MYL12A: variants seen among roughly 807,000 people sequenced by gnomAD.
MYL12A encodes myosin regulatory light chain 12A.
MYL12A carries 11 observed loss-of-function variants against 13.3 expected under a neutral mutation model. The observed-to-expected ratio is 0.83, with a 90% CI of 0.52 to 1.37. MYL12A has a LOEUF of 1.37. Among genes scored for constraint, MYL12A ranks in the 40% most tolerant of loss-of-function variants. MYL12A has a pLI of 0.00. For missense variants in MYL12A, 146 were observed against 212.3 expected (o/e 0.69, Z 1.94); for synonymous variants, 51 against 69.9 (o/e 0.73, Z 1.35).
At chr18:3,254,721 T>C (rs1312384374) in intron 3 of MYL12A, among the ~76,000 whole-genome samples, 1 of 152,256 alleles carries the variant, frequency 6.6e-6, no homozygotes, top group Non-Finnish European at 1.5e-5. Flanking sequence ...AAATGTTATC[T>C]ATATAGGGGC....
chr18:3,252,522 C>A, intron 1 of MYL12A: 2 of 1,196,644 alleles, frequency 1.7e-6, no homozygotes, highest in African/African-American at 3.1e-5. Context: ...AAGATGTTTT[C>A]TAAAACTTTT....
rs1003179498 is a variant in MYL12A, at chr18:3,254,160, A to G, written c.343+110A>G. ...ACGCTCTCAGGTTTGTACTACACCT[A>G]TTTTTTTAGACAGAGTTCTCTTGGC... On this transcript the variant is annotated intron_variant, in intron 3 of 3. Coordinates refer to ENST00000217652, the MANE Select transcript of MYL12A (RefSeq NM_006471.4). 3.3e-5 allele frequency: 41 copies of G among 1,230,652 alleles called. No individual in the cohort carries two copies. The African/African-American group carries it at 4.4e-4, about 13-fold the overall frequency. 76.2% of individuals were successfully genotyped at this position (1,230,652 alleles called of 1,614,324 possible). A position where few individuals can be genotyped will look rare whatever the true frequency, so the allele number is the denominator to read the frequency against.
chr18:3,252,403 A>T (rs765046160), intron 1 of MYL12A: 3 of 1,442,044 alleles, frequency 2.1e-6, no homozygotes, highest in Non-Finnish European at 2.8e-6. Context: ...CAGATTGAGT[A>T]TTGAAAATTG....
intron 1 of MYL12A, chr18:3,252,386 T>C: frequency 6.6e-7 from 1 of 1,505,376 alleles, no homozygotes; most frequent in African/African-American, 1.4e-5. Flanking sequence ...ATTTTTGTAG[T>C]TTTTAACAGA....
At position 3,253,205 on chromosome 18, in the gene MYL12A, T is replaced by C. The variant is rs770712901; in HGVS notation, c.-15-28T>C. 1.8e-5 allele frequency: 29 copies of C among 1,572,404 alleles called. No individual in the cohort carries two copies. The African/African-American group carries it at 3.8e-4, about 21-fold the overall frequency. On this transcript the variant is annotated intron_variant, in intron 1 of 3. Coordinates refer to ENST00000217652, the MANE Select transcript of MYL12A (RefSeq NM_006471.4). ...TAAGTAATCTTAGATGTTGATTTGG[T>C]TTTTATTGTATTTCCTTTCCTAATT...
intron 1 of MYL12A, chr18:3,252,338 T>A (rs776354158): frequency 6.4e-5 from 98 of 1,532,984 alleles, no homozygotes; most frequent in Non-Finnish European, 8.3e-5. Flanking sequence ...ATGGTAGAAT[T>A]TTATTGTCTG....
intron 3 of MYL12A, 127 bp downstream of exon 3, chr18:3,254,177 T>G: frequency 9.3e-7 from 1 of 1,070,756 alleles, no homozygotes; most frequent in Non-Finnish European, 1.3e-6. Context: ...TAGACAGAGT[T>G]CTCTTGGCAT....
chr18:3,248,893 T>C (rs1292519672), intron 1 of MYL12A, among the ~76,000 whole-genome samples: 1 of 151,960 alleles, frequency 6.6e-6, no homozygotes, highest in Non-Finnish European at 1.5e-5. Context: ...TTAAAAATTG[T>C]GGTTAGCACC....
At chr18:3,254,327 T>A (rs921406741) in intron 3 of MYL12A, among the ~76,000 whole-genome samples, 2 of 152,192 alleles carry the variant, frequency 1.3e-5, no homozygotes, top group Non-Finnish European at 2.9e-5. Context: ...AGAAAATATG[T>A]ATTGAATAAA....
chr18:3,248,936 T>A (rs1227395621), intron 1 of MYL12A, among the ~76,000 whole-genome samples: 8 of 151,246 alleles, frequency 5.3e-5, no homozygotes, highest in East Asian at 2.0e-4. Context: ...TTTTTTTTTT[T>A]AAGTGCATTG....
chr18:3,255,383 T>A (rs1236813745), intron 3 of MYL12A: 2 of 165,312 alleles, frequency 1.2e-5, no homozygotes, highest in Non-Finnish European at 2.6e-5. Flanking sequence ...GTTACTTGTT[T>A]GTAGAATAAG....
chr18:3,253,788 A>ATGATAT (rs2081511015), intron 2 of MYL12A, 101 bp from the exon 3 acceptor site: 2 of 1,296,576 alleles, frequency 1.5e-6, no homozygotes, highest in African/African-American at 1.5e-5. Context: ...CAAACAGTAA[A>ATGATAT]CTGTATGAAT....
chr18:3,252,555 C>G lies in MYL12A; in HGVS notation c.-15-678C>G, dbSNP rs531107762. ...TTTAAAATTATTTTAAAAGCTTGTG[C>G]TCTGATTTCTGTTTAGAGATCTTAG... On this transcript the variant is annotated intron_variant, in intron 1 of 3. Coordinates refer to ENST00000217652, the MANE Select transcript of MYL12A (RefSeq NM_006471.4). The G allele has an allele frequency of 8.8e-6, 9 of 1,022,968 alleles. No individual in the cohort carries two copies. The African/African-American group carries it at 1.3e-4, about 15-fold the overall frequency. 63.4% of individuals were successfully genotyped at this position (1,022,968 alleles called of 1,614,324 possible).
rs771322577 is a variant in MYL12A at position 3,255,958 on chromosome 18, T to C, written c.*40T>C. The C allele has an allele frequency of 3.7e-6, 6 of 1,602,512 alleles. No individual in the cohort carries two copies. Among genetic ancestry groups the C allele is most frequent in the Non-Finnish European group, 5.1e-6 (6 of 1,173,830 alleles). ...CCAGCCAAACGTTCCTTGTTGCCACTTTGGGTATTCTGAGATTTTCTCTTG... is the reference window on the plus strand; with the variant it reads ...CCAGCCAAACGTTCCTTGTTGCCACCTTGGGTATTCTGAGATTTTCTCTTG... On this transcript the variant is annotated 3_prime_UTR_variant, in exon 4 of 4. Transcript: ENST00000217652.
At chr18:3,250,771 A>G (rs1433925337) in intron 1 of MYL12A, among the ~76,000 whole-genome samples, 1 of 152,176 alleles carries the variant, frequency 6.6e-6, no homozygotes, top group African/African-American at 2.4e-5. Flanking sequence ...CCTCCTCCCC[A>G]ATCCCTTAAT....
intron 3 of MYL12A, among the ~76,000 whole-genome samples, chr18:3,254,415 C>T (rs1246996583): frequency 1.3e-5 from 2 of 152,186 alleles, no homozygotes; most frequent in African/African-American, 4.8e-5. Context: ...ATATGTTTAC[C>T]AGGTATCTGT....
intron 2 of MYL12A, 143 bp from the exon 3 acceptor site, chr18:3,253,746 T>A: frequency 1.0e-6 from 1 of 957,606 alleles, no homozygotes; most frequent in Non-Finnish European, 1.5e-6. Context: ...TTAAGAAAAC[T>A]TTCCCCCCAA....
intron 3 of MYL12A, 58 bp from the exon 4 acceptor site, chr18:3,255,688 C>A (rs907734844): frequency 1.9e-6 from 3 of 1,545,972 alleles, no homozygotes; most frequent in Non-Finnish European, 2.6e-6. Flanking sequence ...TATAGATATT[C>A]TTTGTAATTA....
At chr18:3,252,141 G>T (rs991800241) in intron 1 of MYL12A, 22 of 492,996 alleles carry the variant, frequency 4.5e-5, no homozygotes, top group Non-Finnish European at 7.1e-5. Context: ...ATGGCATAGT[G>T]TTTTGCCAGA....
Sources: allele counts gnomAD v4.1 joint callset (sites outside exome capture counted in the v4.1 genomes callset), GRCh38; gene constraint gnomAD v4.1.1; transcripts MANE v1.5; gene names NCBI Gene and HGNC (gene_info 2026-07-23, HGNC 2026-07-21).